The following CACNG2 variants were observed in gnomAD, a reference collection of about 807,000 sequenced individuals.
CACNG2 encodes the protein calcium voltage-gated channel auxiliary subunit gamma 2.
In CACNG2, 3 loss-of-function variants were observed where a neutral mutation model predicts 25.9. The ratio of observed to expected loss-of-function variants is 0.12; its 90% confidence interval spans 0.05 to 0.30. The LOEUF (loss-of-function observed/expected upper bound fraction) is 0.30, where lower values mean the gene tolerates loss of function less well. Among genes scored for constraint, CACNG2 ranks in the 10% least tolerant of loss-of-function variants. The pLI is 1.00. For missense variants in CACNG2, 341 were observed against 432.5 expected, an observed-to-expected ratio of 0.79 and a Z score of 1.88; for synonymous variants, 167 against 173.3, an observed-to-expected ratio of 0.96 and a Z score of 0.29.
At chr22:36,576,614 G>C (rs905374678) in intron 2 of CACNG2, among the ~76,000 whole-genome samples, 6 of 151,872 alleles carry the variant, frequency 4.0e-5, no homozygotes, top group African/African-American at 1.5e-4. Flanking sequence ...GTGTGAGAGA[G>C]AGAGAGTCAG....
At chr22:36,672,491 A>G (rs1936965837) in intron 1 of CACNG2, among the ~76,000 whole-genome samples, 1 of 152,198 alleles carries the variant, frequency 6.6e-6, no homozygotes, top group Admixed American at 6.5e-5. Context: ...GGAAACCGGG[A>G]AACCACAGGC....
Position 36,567,964 on chromosome 22 carries a change from C to T in CACNG2, c.296-1471G>A, listed in dbSNP as rs560360396. Among the ~76,000 whole-genome samples, 12 of 152,222 alleles carry T rather than the reference C, an allele frequency of 7.9e-5. No individual in the cohort carries two copies. The East Asian group carries it at 1.9e-3, about 24-fold the overall frequency. On this transcript the variant is annotated intron_variant, in intron 2 of 3. Transcript: ENST00000300105. ...TCCTGGGTTCAAGTGATTCTCCTGC[C>T]TCAGCCTCCCAAGTAGCTGGGACTA... is the stretch of plus-strand genomic sequence containing the variant.
chr22:36,679,136 CCCTTCCTT>C (rs575397901), intron 1 of CACNG2, among the ~76,000 whole-genome samples: 15,274 of 128,128 alleles, frequency 0.12, 1,400 homozygotes, highest in Non-Finnish European at 0.15. Context: ...TGGATTTTCT[CCCTTCCTT>C]CCTTCCTTCC....
intron 1 of CACNG2, among the ~76,000 whole-genome samples, chr22:36,700,932 G>T (rs1937403725): frequency 6.6e-6 from 1 of 152,156 alleles, no homozygotes; most frequent in Admixed American, 6.5e-5. Context: ...CACCAAGAAT[G>T]TTGGGAGGGG....
intron 1 of CACNG2, among the ~76,000 whole-genome samples, chr22:36,679,197 C>T (rs12159533): frequency 0.084 from 4,535 of 54,154 alleles, 138 homozygotes; most frequent in Admixed American, 0.17. Flanking sequence ...TTCCTTCCTT[C>T]CTTTCTTTCT....
At chr22:36,570,057 C>G (rs1041220496) in intron 2 of CACNG2, among the ~76,000 whole-genome samples, 1 of 152,210 alleles carries the variant, frequency 6.6e-6, no homozygotes, top group Non-Finnish European at 1.5e-5. Context: ...TGCAGGTCGC[C>G]GACCCAATTG....
intron 1 of CACNG2, among the ~76,000 whole-genome samples, chr22:36,700,337 CTGTT>C (rs1168027326): frequency 2.0e-5 from 3 of 152,228 alleles, no homozygotes; most frequent in Non-Finnish European, 4.4e-5. Flanking sequence ...TACCTCTAGT[CTGTT>C]TGCCTTCTGG....
intron 1 of CACNG2, among the ~76,000 whole-genome samples, chr22:36,652,934 A>G (rs1936641836): frequency 6.6e-6 from 1 of 152,200 alleles, no homozygotes; most frequent in Non-Finnish European, 1.5e-5. Flanking sequence ...TGCCGTCAGA[A>G]GACAGTCCCC....
At position 36,702,630 on chromosome 22, in the gene CACNG2, G is replaced by T; in HGVS notation, c.-54C>A. 6.9e-7 allele frequency: 1 copy of T among 1,449,506 alleles called. No individual in the cohort carries two copies. Among genetic ancestry groups the T allele is most frequent in the Non-Finnish European group, 9.7e-7 (1 of 1,030,048 alleles). The allele number at this position is 1,449,506 out of a possible 1,614,324, so 89.8% of individuals were successfully genotyped here. On this transcript the variant is annotated 5_prime_UTR_variant, in exon 1 of 4. Transcript: ENST00000300105. ...ACTTCTGGTTCTCGGGAGAGTGTGT[G>T]TGAGGGTGCAAGTACTAAAGCCAAA...
At chr22:36,609,598 G>GT (rs1935899120) in intron 1 of CACNG2, among the ~76,000 whole-genome samples, 2 of 104,326 alleles carry the variant, frequency 1.9e-5, no homozygotes, top group African/African-American at 3.6e-5. Context: ...GCAGGAATCA[G>GT]CCCCCCAGAG....
At chr22:36,570,494 T>C (rs1379641040) in intron 2 of CACNG2, among the ~76,000 whole-genome samples, 1 of 152,088 alleles carries the variant, frequency 6.6e-6, no homozygotes, top group African/African-American at 2.4e-5. Context: ...GCGCGGTGGC[T>C]CACGCCTGTA....
rs1315170648 is a variant in CACNG2, at chr22:36,606,823, G to T, written c.212-19275C>A. ...GTGTGTGTATGTCTGTGTGATGTGT[G>T]TGTCTGTGGGTCTCTGTGTGTGTGT... On this transcript the variant is annotated intron_variant, in intron 1 of 3. Transcript: ENST00000300105. The surrounding 1 kb of genome is among the most constrained non-coding windows in gnomAD (Gnocchi z 5.7). Among the ~76,000 whole-genome samples the T allele has an allele frequency of 6.7e-6, 1 of 149,650 alleles. No individual in the cohort carries two copies. The highest frequency in any genetic ancestry group is 1.5e-5 in the Non-Finnish European group (1 of 67,818).
chr22:36,642,935 A>T (rs924653641), intron 1 of CACNG2, among the ~76,000 whole-genome samples: 4 of 152,200 alleles, frequency 2.6e-5, no homozygotes, highest in African/African-American at 9.7e-5. Context: ...TTTCAAAGCA[A>T]GCCATGAAAC....
rs1463683510 is a variant in CACNG2 at position 36,563,527 on chromosome 22, G to A, written c.*824C>T. On this transcript the variant is annotated 3_prime_UTR_variant, in exon 4 of 4. Transcript: ENST00000300105. Reference sequence around the variant, plus strand: ...CAAGGCCTAGGAAGTCATCACAGTGGGTTAAGGAGCATTAAGGACTGGGAA... The same window carrying A: ...CAAGGCCTAGGAAGTCATCACAGTGAGTTAAGGAGCATTAAGGACTGGGAA... Among the ~76,000 whole-genome samples, 1 of 152,148 alleles carries A rather than the reference G, an allele frequency of 6.6e-6. No homozygotes were observed. Among genetic ancestry groups the A allele is most frequent in the Non-Finnish European group, 1.5e-5 (1 of 67,998 alleles).
At chr22:36,656,517 A>G (rs570154258) in intron 1 of CACNG2, among the ~76,000 whole-genome samples, 2 of 152,306 alleles carry the variant, frequency 1.3e-5, no homozygotes, top group East Asian at 3.9e-4. Context: ...GGATGGCTGT[A>G]ATGGGCTCCT....
chr22:36,618,572 C>A (rs1056921701), intron 1 of CACNG2, among the ~76,000 whole-genome samples: 35 of 152,316 alleles, frequency 2.3e-4, no homozygotes, highest in African/African-American at 8.2e-4. Context: ...TCTGGTCTTG[C>A]CTCCACTTTT....
chr22:36,609,932 A>AATATGATCAGG (rs1326500601), intron 1 of CACNG2, among the ~76,000 whole-genome samples: 1 of 146,074 alleles, frequency 6.8e-6, no homozygotes, highest in African/African-American at 2.5e-5. Flanking sequence ...AACCCCCCAG[A>AATATGATCAGG]ATATGATCAG....
chr22:36,602,862 C>T (rs1346788206), intron 1 of CACNG2, among the ~76,000 whole-genome samples: 2 of 151,794 alleles, frequency 1.3e-5, no homozygotes, highest in African/African-American at 4.8e-5. Flanking sequence ...TGTTTCTCCC[C>T]CTCTCCTTGG....
intron 1 of CACNG2, among the ~76,000 whole-genome samples, chr22:36,644,225 C>T (rs995781929): frequency 2.0e-5 from 3 of 152,184 alleles, no homozygotes; most frequent in African/African-American, 7.2e-5. Flanking sequence ...GTCCCAGGCT[C>T]CAGCTGAACT....
Sources: allele counts gnomAD v4.1 joint callset (sites outside exome capture counted in the v4.1 genomes callset), GRCh38; gene constraint gnomAD v4.1.1; non-coding constraint Gnocchi (gnomAD v3.1); transcripts MANE v1.5; gene names NCBI Gene and HGNC (gene_info 2026-07-23, HGNC 2026-07-21).